The following CDKAL1 variants were observed in gnomAD, a reference collection of about 807,000 sequenced individuals.
CDKAL1 encodes the protein threonylcarbamoyladenosine tRNA methylthiotransferase.
CDKAL1 carries 32 observed loss-of-function variants against 68.2 expected under a neutral mutation model. The ratio of observed to expected loss-of-function variants is 0.47; its 90% confidence interval spans 0.35 to 0.63. The LOEUF is 0.63. CDKAL1 is among the 30% of genes least tolerant of loss of function. The pLI is 0.00. For synonymous variants in CDKAL1, 234 were observed against 244.3 expected, an observed-to-expected ratio of 0.96 and a Z score of 0.39; for missense variants, 606 against 696.7, an observed-to-expected ratio of 0.87 and a Z score of 1.47.
In CDKAL1 at chr6:20,694,062, A is replaced by ATGTG. The variant is rs55981799; in HGVS notation, c.371+44713_371+44716dup. 4.8e-3 allele frequency among the ~76,000 whole-genome samples: 620 copies of ATGTG among 129,042 alleles called. 6 individuals are homozygous for ATGTG. Among genetic ancestry groups the ATGTG allele is most frequent in the African/African-American group, 0.014 (519 of 36,634 alleles). 84.7% of individuals were successfully genotyped at this position (129,042 alleles called of 152,430 possible). On this transcript the variant is annotated intron_variant, in intron 5 of 15. Coordinates refer to ENST00000274695, the MANE Select transcript of CDKAL1 (RefSeq NM_017774.3). ...TAACTTTGTGTGTGTGTGTGTGTGT[A>ATGTG]TGTGTGTGTGTGTGTGTGTGTGTGT...
intron 12 of CDKAL1, among the ~76,000 whole-genome samples, chr6:21,094,636 A>G (rs1240346925): frequency 6.6e-6 from 1 of 152,244 alleles, no homozygotes; most frequent in Non-Finnish European, 1.5e-5. Flanking sequence ...AAGAACTTCT[A>G]AATTGCCGAG....
chr6:20,801,923 A>G (rs1234809244), intron 8 of CDKAL1, among the ~76,000 whole-genome samples: 1 of 152,192 alleles, frequency 6.6e-6, no homozygotes, highest in African/African-American at 2.4e-5. Flanking sequence ...TAAGTGTGCT[A>G]TTATGCAACA....
chr6:20,938,791 A>C (rs1763842949), intron 9 of CDKAL1, among the ~76,000 whole-genome samples: 1 of 152,082 alleles, frequency 6.6e-6, no homozygotes, highest in African/African-American at 2.4e-5. Flanking sequence ...GAATATATAT[A>C]GGTATTTTCT....
At chr6:20,882,361 C>G (rs1226965211) in intron 9 of CDKAL1, among the ~76,000 whole-genome samples, 1 of 152,170 alleles carries the variant, frequency 6.6e-6, no homozygotes, top group Non-Finnish European at 1.5e-5. Flanking sequence ...TTTATCAAAC[C>G]TAGCATAAAA....
intron 2 of CDKAL1, 91 bp downstream of exon 2, chr6:20,535,485 A>G (rs73386534): frequency 6.7e-4 from 102 of 152,394 alleles, no homozygotes; most frequent in African/African-American, 2.3e-3. Context: ...TGTTTTAGCT[A>G]TTTGCCACTA....
chr6:20,664,139 G>A (rs1581920095), intron 5 of CDKAL1, among the ~76,000 whole-genome samples: 1 of 152,234 alleles, frequency 6.6e-6, no homozygotes, highest in East Asian at 1.9e-4. Context: ...TTCTGCAGCA[G>A]TGTCTTTTTT....
chr6:21,178,694 A>C (rs959826848), intron 13 of CDKAL1, among the ~76,000 whole-genome samples: 1 of 152,234 alleles, frequency 6.6e-6, no homozygotes, highest in Non-Finnish European at 1.5e-5. Flanking sequence ...CTTTCTAGTT[A>C]TAATGGTGAT....
At chr6:20,643,215 C>T (rs1768272470) in intron 4 of CDKAL1, among the ~76,000 whole-genome samples, 2 of 152,146 alleles carry the variant, frequency 1.3e-5, no homozygotes, top group Admixed American at 6.5e-5. Flanking sequence ...GTCCATCTGC[C>T]TGGCCCTTCT....
At chr6:20,632,868 C>G (rs1767734772) in intron 4 of CDKAL1, among the ~76,000 whole-genome samples, 1 of 152,148 alleles carries the variant, frequency 6.6e-6, no homozygotes, top group South Asian at 2.1e-4. Context: ...CAGTGCCTTC[C>G]TTTCTGAAGA....
At chr6:21,015,098 G>A (rs889450122) in intron 11 of CDKAL1, among the ~76,000 whole-genome samples, 2 of 152,156 alleles carry the variant, frequency 1.3e-5, no homozygotes, top group African/African-American at 4.8e-5. Flanking sequence ...CAGGTGTCTA[G>A]TACAGGTGTC....
chr6:20,788,932 T>G (rs186491497), intron 8 of CDKAL1, among the ~76,000 whole-genome samples: 2 of 152,330 alleles, frequency 1.3e-5, no homozygotes, highest in East Asian at 3.9e-4. Flanking sequence ...AGTGTCTTTC[T>G]CACAGTATTC....
chr6:20,570,172 C>T (rs376866111), intron 4 of CDKAL1, among the ~76,000 whole-genome samples: 5 of 152,022 alleles, frequency 3.3e-5, no homozygotes, highest in East Asian at 1.9e-4. Flanking sequence ...GGCATGATCT[C>T]GGTTCACTGC....
At chr6:20,680,047 T>G (rs1009148204) in intron 5 of CDKAL1, among the ~76,000 whole-genome samples, 1 of 152,052 alleles carries the variant, frequency 6.6e-6, no homozygotes, top group African/African-American at 2.4e-5. Flanking sequence ...CATCACTTTC[T>G]CTTTGACTTT....
At chr6:20,959,039 C>A (rs1460227119) in intron 10 of CDKAL1, among the ~76,000 whole-genome samples, 3 of 152,184 alleles carry the variant, frequency 2.0e-5, no homozygotes, top group Admixed American at 1.3e-4. Context: ...AGAGGATGCA[C>A]ATTACACTTA....
chr6:21,020,513 G>A (rs2150859603), intron 11 of CDKAL1, among the ~76,000 whole-genome samples: 2 of 152,004 alleles, frequency 1.3e-5, no homozygotes, highest in East Asian at 3.9e-4. Flanking sequence ...TATTGTCCAG[G>A]CTGGAGTGCA....
intron 4 of CDKAL1, among the ~76,000 whole-genome samples, chr6:20,623,865 T>A (rs1022750162): frequency 1.3e-5 from 2 of 152,112 alleles, no homozygotes; most frequent in Non-Finnish European, 2.9e-5. Flanking sequence ...AAGCCCAGGT[T>A]CTTCATCTGT....
intron 13 of CDKAL1, among the ~76,000 whole-genome samples, chr6:21,127,476 A>G (rs1775074939): frequency 2.0e-5 from 3 of 152,226 alleles, no homozygotes. Flanking sequence ...AAGGCCAGGC[A>G]CAGTGTCTCA....
At chr6:21,033,936 GGTTA>G (rs1280683928) in intron 11 of CDKAL1, among the ~76,000 whole-genome samples, 5 of 152,080 alleles carry the variant, frequency 3.3e-5, no homozygotes, top group Admixed American at 3.3e-4. Context: ...GCAGGAGCCA[GGTTA>G]CAGAGGGTTT....
At chr6:20,895,016 C>T (rs768638130) in intron 9 of CDKAL1, among the ~76,000 whole-genome samples, 4 of 152,150 alleles carry the variant, frequency 2.6e-5, no homozygotes, top group Admixed American at 6.5e-5. Flanking sequence ...AGGTTCTCTT[C>T]ACCTGCTGCT....
Sources: gnomAD v4.1 joint callset for allele counts (sites outside exome capture counted in the v4.1 genomes callset) on GRCh38, gnomAD v4.1.1 for gene constraint, MANE v1.5 for transcripts, NCBI Gene and HGNC (gene_info 2026-07-23, HGNC 2026-07-21) for gene names.